Variants in LRP2 observed in about 807,000 individuals in gnomAD.
The protein encoded by LRP2 is LDL receptor related protein 2, also known as low-density lipoprotein receptor-related protein 2.
A neutral mutation model predicts 531.0 loss-of-function variants in LRP2; 172 were observed. The observed-to-expected ratio is 0.32, with a 90% CI of 0.29 to 0.37. LRP2 has a LOEUF of 0.37. LRP2 is among the 10% of genes least tolerant of loss of function. The probability of loss-of-function intolerance (pLI) is 1.00; values close to 1 mark genes in which losing one functional copy is unlikely to be tolerated. For missense variants in LRP2, 5,167 were observed against 5,868.3 expected (o/e 0.88, Z 3.90); for synonymous variants, 1,992 against 2,027.6 (o/e 0.98, Z 0.47).
chr2:169,276,900 AT>A (rs1683570497), intron 13 of LRP2, among the ~76,000 whole-genome samples: 2 of 152,168 alleles, frequency 1.3e-5, no homozygotes, highest in Non-Finnish European at 2.9e-5. Flanking sequence ...ATGAAAAAAA[AT>A]ATGCCATATT....
intron 3 of LRP2, among the ~76,000 whole-genome samples, chr2:169,318,406 A>G (rs1574252226): frequency 1.3e-5 from 2 of 152,262 alleles, no homozygotes. Context: ...AGGTTTGAAT[A>G]CAAAGTATGC....
At chr2:169,326,187 C>A (rs1574259169) in intron 1 of LRP2, among the ~76,000 whole-genome samples, 1 of 58,704 alleles carries the variant, frequency 1.7e-5, no homozygotes, top group Non-Finnish European at 3.4e-5. Context: ...TCTCCCCTCT[C>A]CCCTCTCCCC....
At chr2:169,314,136 T>C (rs1574248389) in intron 3 of LRP2, among the ~76,000 whole-genome samples, 4 of 152,102 alleles carry the variant, frequency 2.6e-5, no homozygotes, top group Admixed American at 2.0e-4. Flanking sequence ...CAGTGGCTCG[T>C]GCCTTTAATC....
chr2:169,342,663 G>T (rs930605759), intron 1 of LRP2, among the ~76,000 whole-genome samples: 12 of 152,072 alleles, frequency 7.9e-5, no homozygotes, highest in African/African-American at 2.7e-4. Context: ...GTCCTCTCAG[G>T]TCTAGTTGAC....
At chr2:169,313,076 A>G (rs560228262) in intron 3 of LRP2, among the ~76,000 whole-genome samples, 4 of 152,246 alleles carry the variant, frequency 2.6e-5, no homozygotes, top group Non-Finnish European at 5.9e-5. Flanking sequence ...GGTCTTCTCT[A>G]TGCTGGTTAT....
At chr2:169,210,756 T>C (rs1688563677) in intron 37 of LRP2, among the ~76,000 whole-genome samples, 3 of 152,214 alleles carry the variant, frequency 2.0e-5, no homozygotes, top group African/African-American at 2.4e-5. Context: ...TGAGGCCAAC[T>C]GGAGAAATAT....
At chr2:169,327,899 C>A (rs1685144475) in intron 1 of LRP2, among the ~76,000 whole-genome samples, 1 of 90,138 alleles carries the variant, frequency 1.1e-5, no homozygotes, top group African/African-American at 5.0e-5. Context: ...GGTCAGCCCC[C>A]CGCCCGGCCA....
In LRP2 at chr2:169,196,920, C is replaced by T; in HGVS notation, c.8689G>A (p.Ala2897Thr). 3.1e-6 allele frequency: 5 copies of T among 1,614,136 alleles called. No homozygotes were observed. Among genetic ancestry groups the T allele is most frequent in the Non-Finnish European group, 4.2e-6 (5 of 1,180,022 alleles). Residue 2897 changes from alanine (A) to threonine (T), a missense_variant, in exon 46 of 79, where the codon GCC becomes ACC. Ala to Thr is a moderately conservative substitution (Grantham distance 58). Transcript: ENST00000649046. Reference protein sequence around the residue: ...TDCFDASDEPASCGHSERTCL... With the variant: ...TDCFDASDEPTSCGHSERTCL... ...TTGCTTACTCTCTTACCACAAGAGG[C>T]AGGTTCATCAGAGGCATCAAAACAA...
At chr2:169,211,049 G>T (rs1259984659) in intron 37 of LRP2, among the ~76,000 whole-genome samples, 1 of 152,076 alleles carries the variant, frequency 6.6e-6, no homozygotes, top group Non-Finnish European at 1.5e-5. Context: ...TATTGAATTT[G>T]TCATATCTGT....
chr2:169,280,361 C>G lies in LRP2; in HGVS notation c.1330G>C (p.Val444Leu). 6.2e-7 allele frequency: 1 copy of G among 1,614,156 alleles called. No homozygotes were observed. Among genetic ancestry groups the G allele is most frequent in the Non-Finnish European group, 8.5e-7 (1 of 1,180,010 alleles). ...HLQRVFWTDT[V>L]QNKVFSVDIN... ...AAATTTCTATTTACCTTATTTTGCA[C>G]GGTGTCTGTCCAAAAAACTCTTTGC... is the stretch of plus-strand genomic sequence containing the variant. The change falls in exon 11 of 79, where the codon GTG becomes CTG. Residue 444 changes from valine to leucine, a missense_variant. Physicochemically the swap from Val to Leu is conservative, Grantham distance 32. Transcript: ENST00000649046.
chr2:169,286,566 T>G (rs952097366), intron 9 of LRP2, among the ~76,000 whole-genome samples: 1 of 152,180 alleles, frequency 6.6e-6, no homozygotes, highest in Non-Finnish European at 1.5e-5. Context: ...TATTGAAAAT[T>G]GAAGTGGCCT....
At chr2:169,183,326 T>G (rs949973406) in intron 50 of LRP2, among the ~76,000 whole-genome samples, 3 of 152,218 alleles carry the variant, frequency 2.0e-5, no homozygotes, top group Admixed American at 6.5e-5. Flanking sequence ...TGCCAGTTAA[T>G]TCACTTGGGT....
chr2:169,288,388 T>A lies in LRP2; in HGVS notation c.1042+638A>T, dbSNP rs577885552. Among the ~76,000 whole-genome samples, 4 of 152,224 alleles carry A rather than the reference T, an allele frequency of 2.6e-5. No individual in the cohort carries two copies. In the South Asian group the frequency reaches 8.3e-4, roughly 32 times the overall value. ...TATGAGGAAATAGTTGGTGTACTGG[T>A]GTCTAGTTTAATGCCAGCCACCATC... is the stretch of plus-strand genomic sequence containing the variant. On this transcript the variant is annotated intron_variant, in intron 9 of 78. Transcript: ENST00000649046.
At chr2:169,131,514 T>TCTTA (rs1165429575) in intron 77 of LRP2, among the ~76,000 whole-genome samples, 1 of 152,188 alleles carries the variant, frequency 6.6e-6, no homozygotes, top group Non-Finnish European at 1.5e-5. Flanking sequence ...TTCCAACTAC[T>TCTTA]CTTAGACTTT....
chr2:169,220,134 T>C (rs753516303), intron 34 of LRP2, among the ~76,000 whole-genome samples: 29 of 152,212 alleles, frequency 1.9e-4, no homozygotes, highest in Middle Eastern at 3.2e-3. Context: ...CCCTTAGAGC[T>C]TTCCGTGTCC....
rs1210319838 is a variant in LRP2 at position 169,206,657 on chromosome 2, G to A, written c.7063C>T (p.His2355Tyr). 2 of 1,614,024 alleles carry A rather than the reference G, an allele frequency of 1.2e-6. No homozygotes were observed. The highest frequency in any genetic ancestry group is 1.3e-5 in the African/African-American group (1 of 74,940). ...AATCCAGGCAGAGCAAAGCAGAGAT[G>A]AGAGCACCCACCATTGTTTTCCAAG... ...PCLENNGGCSHLCFALPGLHT... is the reference protein window; with the variant it reads ...PCLENNGGCSYLCFALPGLHT... Residue 2355 changes from histidine to tyrosine, a missense_variant, in exon 39 of 79, where the codon CAT becomes TAT. Coordinates refer to ENST00000649046, the MANE Select transcript of LRP2 (RefSeq NM_004525.3).
At chr2:169,153,015 G>A in intron 66 of LRP2, 51 bp from the exon 67 acceptor site, 1 of 1,549,772 alleles carries the variant, frequency 6.5e-7, no homozygotes. Flanking sequence ...ATCAAGTAAA[G>A]GAAGAACAGG....
intron 52 of LRP2, among the ~76,000 whole-genome samples, chr2:169,179,218 G>A (rs1003232016): frequency 1.3e-5 from 2 of 152,032 alleles, no homozygotes; most frequent in Non-Finnish European, 2.9e-5. Flanking sequence ...TGTTGCCCAA[G>A]CTGGTCTTGA....
At chr2:169,340,200 C>T (rs573204487) in intron 1 of LRP2, among the ~76,000 whole-genome samples, 5 of 152,010 alleles carry the variant, frequency 3.3e-5, no homozygotes, top group Non-Finnish European at 7.4e-5. Flanking sequence ...TTCCATCATT[C>T]CCCCATAATA....
Sources: allele counts gnomAD v4.1 joint callset (sites outside exome capture counted in the v4.1 genomes callset), GRCh38; gene constraint gnomAD v4.1.1; transcripts MANE v1.5; gene names NCBI Gene and HGNC (gene_info 2026-07-23, HGNC 2026-07-21).